The following TRPV4 variants were observed in gnomAD, a reference collection of about 807,000 sequenced individuals.
The protein encoded by TRPV4 is OSM9-like transient receptor potential channel 4.
In TRPV4, 58 loss-of-function variants were observed where a neutral mutation model predicts 84.1. That is an observed-to-expected ratio of 0.69 (90% CI 0.56 to 0.86). The LOEUF (loss-of-function observed/expected upper bound fraction) is 0.86. Ranked by LOEUF, TRPV4 falls within the 40% of genes least tolerant of loss-of-function variation. The pLI is 0.00. For missense variants in TRPV4, 879 were observed against 1,181.1 expected, an observed-to-expected ratio of 0.74 and a Z score of 3.75; for synonymous variants, 489 against 500.9, an observed-to-expected ratio of 0.98 and a Z score of 0.32.
chr12:109,808,681 C>G (rs1891300936), intron 2 of TRPV4, among the ~76,000 whole-genome samples: 2 of 152,108 alleles, frequency 1.3e-5, no homozygotes. Context: ...TGGAGACAAA[C>G]AGAAAGAAAT....
intron 2 of TRPV4, among the ~76,000 whole-genome samples, chr12:109,809,672 T>C (rs1891404206): frequency 2.0e-5 from 3 of 150,908 alleles, no homozygotes; most frequent in Non-Finnish European, 4.4e-5. Flanking sequence ...CATCCATCCA[T>C]CCATCCATCC....
Position 109,798,449 on chromosome 12 carries a change from T to C in TRPV4, c.1152+165A>G, listed in dbSNP as rs1349348969. ...GAAGCTAAGGAGCTTGGCTGGACAC[T>C]AGGGAGCCATAGCAGGTTCTTGAGC... On this transcript the variant is annotated intron_variant, in intron 6 of 15. Coordinates refer to ENST00000261740, the MANE Select transcript of TRPV4 (RefSeq NM_021625.5). This position sits in a 1 kb window ranked among gnomAD's most constrained non-coding sequence, Gnocchi z 5.0. 2.0e-5 allele frequency among the ~76,000 whole-genome samples: 3 copies of C among 152,052 alleles called. No individual in the cohort carries two copies. The highest frequency in any genetic ancestry group is 4.4e-5 in the Non-Finnish European group (3 of 68,000).
chr12:109,821,969 G>A (rs971199077), intron 1 of TRPV4, among the ~76,000 whole-genome samples: 2 of 152,034 alleles, frequency 1.3e-5, no homozygotes, highest in Non-Finnish European at 2.9e-5. Context: ...TGAATATTTG[G>A]TTTTTTTAGG....
Position 109,793,414 on chromosome 12 carries a change from G to C in TRPV4, c.1658+113C>G, listed in dbSNP as rs1890164398. On this transcript the variant is annotated intron_variant, in intron 10 of 15. Transcript: ENST00000261740. This position sits in a 1 kb window ranked among gnomAD's most constrained non-coding sequence, Gnocchi z 4.0. Reference sequence around the variant, plus strand: ...CCTGACTTTGGGTTAGAGCTGCCCAGGTTGGGTGCATTCATTTCTAACAGA... The same window carrying C: ...CCTGACTTTGGGTTAGAGCTGCCCACGTTGGGTGCATTCATTTCTAACAGA... 1.1e-6 allele frequency: 1 copy of C among 931,790 alleles called. No homozygotes were observed. 57.7% of individuals were successfully genotyped at this position (931,790 alleles called of 1,614,324 possible).
In TRPV4 at chr12:109,802,887, C is replaced by A. The variant is rs542514145; in HGVS notation, c.712+104G>T. ...CCATCCATTTGTCAGGTCCTGGGTACATGCTGGCACTTAGGCCCAGATCAA... is the reference window on the plus strand; with the variant it reads ...CCATCCATTTGTCAGGTCCTGGGTAAATGCTGGCACTTAGGCCCAGATCAA... On this transcript the variant is annotated intron_variant, in intron 4 of 15. Transcript: ENST00000261740. 6 of 1,214,148 alleles carry A rather than the reference C, an allele frequency of 4.9e-6. No homozygotes were observed. The East Asian group carries it at 1.4e-4, about 29-fold the overall frequency. The allele number at this position is 1,214,148 out of a possible 1,614,324, so 75.2% of individuals were successfully genotyped here.
chr12:109,793,299 TA>T lies in TRPV4; in HGVS notation c.1658+227del, dbSNP rs1005852048. Reference sequence around the variant, plus strand: ...GCAATCATTCACCAGCATAAGAGGTTAAAATTATTTCTATCCATGTTGTATA... The same window carrying T: ...GCAATCATTCACCAGCATAAGAGGTTAAATTATTTCTATCCATGTTGTATA... On this transcript the variant is annotated intron_variant, in intron 10 of 15. Transcript: ENST00000261740. The surrounding 1 kb of genome is among the most constrained non-coding windows in gnomAD (Gnocchi z 4.0). 2.6e-5 allele frequency among the ~76,000 whole-genome samples: 4 copies of T among 152,232 alleles called. No homozygotes were observed. Among genetic ancestry groups the T allele is most frequent in the African/African-American group, 4.8e-5 (2 of 41,472 alleles).
At chr12:109,813,466 T>C (rs781066687) in intron 2 of TRPV4, among the ~76,000 whole-genome samples, 7 of 152,122 alleles carry the variant, frequency 4.6e-5, no homozygotes, top group Non-Finnish European at 8.8e-5. Context: ...TAAATAGTTG[T>C]ATAAATGAGT....
At position 109,783,487 on chromosome 12, in the gene TRPV4, C is replaced by T. The variant is rs541019688; in HGVS notation, c.*134G>A. 5 of 1,245,820 alleles carry T rather than the reference C, an allele frequency of 4.0e-6. No individual in the cohort carries two copies. The South Asian group carries it at 6.1e-5, about 15-fold the overall frequency. 77.2% of individuals were successfully genotyped at this position (1,245,820 alleles called of 1,614,324 possible). A position where few individuals can be genotyped will look rare whatever the true frequency, so the allele number is the denominator to read the frequency against. ...GCCAGGGGACCACAGGGTCCTGGGG[C>T]CTCCCTGGCACCTCCACTGGTCCCT... is the stretch of plus-strand genomic sequence containing the variant. On this transcript the variant is annotated 3_prime_UTR_variant, in exon 16 of 16. Coordinates refer to ENST00000261740, the MANE Select transcript of TRPV4 (RefSeq NM_021625.5). This position sits in a 1 kb window ranked among gnomAD's most constrained non-coding sequence, Gnocchi z 4.6.
At chr12:109,826,303 C>T (rs1367265486) in intron 1 of TRPV4, among the ~76,000 whole-genome samples, 2 of 152,174 alleles carry the variant, frequency 1.3e-5, no homozygotes, top group Non-Finnish European at 2.9e-5. Flanking sequence ...TGATTACAGG[C>T]GTGAACCACC....
At chr12:109,812,150 TGTCTGA>T (rs1467369627) in intron 2 of TRPV4, among the ~76,000 whole-genome samples, 1 of 152,040 alleles carries the variant, frequency 6.6e-6, no homozygotes, top group Non-Finnish European at 1.5e-5. Flanking sequence ...GAACCCGGGA[TGTCTGA>T]GTTTGCAGAG....
chr12:109,793,377 T>C lies in TRPV4; in HGVS notation c.1658+150A>G. ...TTCTTGAACCAGAAGACCCTATTGT[T>C]TGTGGCTTTGTCCTGACTTTGGGTT... On this transcript the variant is annotated intron_variant, in intron 10 of 15. Transcript: ENST00000261740. This position sits in a 1 kb window ranked among gnomAD's most constrained non-coding sequence, Gnocchi z 4.0. The C allele has an allele frequency of 1.4e-6, 1 of 740,598 alleles. No homozygotes were observed. Among genetic ancestry groups the C allele is most frequent in the South Asian group, 1.4e-5 (1 of 69,448 alleles). The allele number at this position is 740,598 out of a possible 1,614,324, so 45.9% of individuals were successfully genotyped here. A position where few individuals can be genotyped will look rare whatever the true frequency, so the allele number is the denominator to read the frequency against.
intron 1 of TRPV4, among the ~76,000 whole-genome samples, chr12:109,819,056 C>T (rs568593264): frequency 5.3e-5 from 8 of 152,158 alleles, no homozygotes; most frequent in Admixed American, 3.3e-4. Context: ...CACTAGCTCA[C>T]GTGTACACAT....
In TRPV4 at chr12:109,815,698, C is replaced by A. The variant is rs74827770; in HGVS notation, c.-31-871G>T. On this transcript the variant is annotated intron_variant, in intron 1 of 15. Coordinates refer to ENST00000261740, the MANE Select transcript of TRPV4 (RefSeq NM_021625.5). This position sits in a 1 kb window ranked among gnomAD's most constrained non-coding sequence, Gnocchi z 4.1. ...TATCCCAGCTGTTCACGGGATGGTT[C>A]GTTCCCAGGCTGTGGGTGCCAGGAG... 0.01 allele frequency among the ~76,000 whole-genome samples: 1,536 copies of A among 152,340 alleles called. 11 individuals carry two copies. The highest frequency in any genetic ancestry group is 0.034 in the Middle Eastern group (10 of 294).
At chr12:109,808,600 G>T in intron 2 of TRPV4, 132 bp from the exon 3 acceptor site, 1 of 792,426 alleles carries the variant, frequency 1.3e-6, no homozygotes, top group African/African-American at 1.7e-5. Flanking sequence ...GGGTGAGGTA[G>T]TTGGGGCAGA....
intron 1 of TRPV4, among the ~76,000 whole-genome samples, chr12:109,827,542 A>AC (rs1442141160): frequency 6.9e-6 from 1 of 144,238 alleles, no homozygotes; most frequent in Non-Finnish European, 1.5e-5. Flanking sequence ...CATGGAACCC[A>AC]CCCTCCATAA....
chr12:109,799,967 G>A (rs1890670852), intron 5 of TRPV4, among the ~76,000 whole-genome samples: 1 of 151,124 alleles, frequency 6.6e-6, no homozygotes, highest in East Asian at 1.9e-4. Flanking sequence ...TTTTGAGACA[G>A]AGTCTCACTC....
chr12:109,807,459 CAGCCTG>C (rs1041353976), intron 3 of TRPV4, among the ~76,000 whole-genome samples: 8 of 150,546 alleles, frequency 5.3e-5, no homozygotes, highest in Non-Finnish European at 7.4e-5. Flanking sequence ...CAGCTCACTG[CAGCCTG>C]AGCCTCCCAG....
intron 1 of TRPV4, among the ~76,000 whole-genome samples, chr12:109,830,456 C>G (rs1856386101): frequency 6.6e-6 from 1 of 152,208 alleles, no homozygotes; most frequent in Non-Finnish European, 1.5e-5. Context: ...CCAGGGTTGG[C>G]TAAAGCCAGA....
intron 1 of TRPV4, among the ~76,000 whole-genome samples, chr12:109,823,651 G>A (rs769720282): frequency 1.9e-4 from 29 of 152,206 alleles, no homozygotes; most frequent in Non-Finnish European, 3.5e-4. Flanking sequence ...CAGGGGCTGG[G>A]AGTGGGGAGT....
Sources: gnomAD v4.1 joint callset for allele counts (sites outside exome capture counted in the v4.1 genomes callset) on GRCh38, gnomAD v4.1.1 for gene constraint, Gnocchi (gnomAD v3.1) non-coding constraint, MANE v1.5 for transcripts, NCBI Gene and HGNC (gene_info 2026-07-23, HGNC 2026-07-21) for gene names.